THSD4: variants seen among roughly 807,000 people sequenced by gnomAD.
THSD4 encodes thrombospondin type-1 domain-containing protein 4.
In THSD4, 69 loss-of-function variants were observed where a neutral mutation model predicts 119.0. The observed-to-expected ratio is 0.58, with a 90% CI of 0.48 to 0.71. The LOEUF is 0.71. Ranked by LOEUF, THSD4 falls within the 30% of genes least tolerant of loss-of-function variation. The pLI, the probability that THSD4 is intolerant of heterozygous loss-of-function variation, is 0.00. For missense variants in THSD4, 1,393 were observed against 1,391.1 expected (o/e 1.00, Z -0.02); for synonymous variants, 524 against 540.4 (o/e 0.97, Z 0.42).
intron 6 of THSD4, among the ~76,000 whole-genome samples, chr15:71,338,071 C>G (rs745651909): frequency 6.6e-6 from 1 of 152,184 alleles, no homozygotes; most frequent in Non-Finnish European, 1.5e-5. Context: ...ACTGTTCCCC[C>G]ATCAATGCCC....
chr15:71,306,800 C>T (rs1041896927), intron 6 of THSD4, among the ~76,000 whole-genome samples: 2 of 152,180 alleles, frequency 1.3e-5, no homozygotes, highest in Non-Finnish European at 2.9e-5. Context: ...AATTGCTTAA[C>T]CTTGTGTTTG....
At chr15:71,668,687 AC>A (rs35989729) in intron 8 of THSD4, among the ~76,000 whole-genome samples, 1 of 152,118 alleles carries the variant, frequency 6.6e-6, no homozygotes, top group Non-Finnish European at 1.5e-5. Context: ...GCTGACTGGT[AC>A]CCCACTCTCT....
chr15:71,557,527 G>A (rs1009135820), intron 7 of THSD4, among the ~76,000 whole-genome samples: 5 of 151,960 alleles, frequency 3.3e-5, no homozygotes, highest in Non-Finnish European at 7.4e-5. Flanking sequence ...TCTAATGTCT[G>A]GAGGATTTTC....
intron 6 of THSD4, among the ~76,000 whole-genome samples, chr15:71,350,073 A>G (rs1441494459): frequency 6.6e-6 from 1 of 150,996 alleles, no homozygotes; most frequent in Non-Finnish European, 1.5e-5. Context: ...GCACATTTAT[A>G]GTGTATCCTT....
At chr15:71,162,927 T>A (rs2043260340) in intron 3 of THSD4, among the ~76,000 whole-genome samples, 1 of 151,990 alleles carries the variant, frequency 6.6e-6, no homozygotes, top group Non-Finnish European at 1.5e-5. Context: ...AGCTCTTAAT[T>A]GTATGTTTTA....
chr15:71,202,894 G>A (rs1179699714), intron 3 of THSD4, among the ~76,000 whole-genome samples: 2 of 152,178 alleles, frequency 1.3e-5, no homozygotes, highest in Non-Finnish European at 2.9e-5. Context: ...CATCAGCCAG[G>A]TGACAGACTC....
chr15:71,421,311 AGTCT>A (rs1198653684), intron 7 of THSD4, among the ~76,000 whole-genome samples: 3,568 of 65,696 alleles, frequency 0.054, 147 homozygotes, highest in East Asian at 0.077. Flanking sequence ...TTTTCTTTCT[AGTCT>A]CTTTCTACTC....
intron 6 of THSD4, among the ~76,000 whole-genome samples, chr15:71,395,220 A>G (rs916376626): frequency 6.6e-5 from 10 of 152,306 alleles, no homozygotes; most frequent in African/African-American, 2.4e-4. Context: ...ACATGTTGAA[A>G]GTCACTTGTT....
intron 7 of THSD4, among the ~76,000 whole-genome samples, chr15:71,507,535 G>C (rs1028552032): frequency 2.0e-5 from 3 of 152,140 alleles, no homozygotes; most frequent in Non-Finnish European, 2.9e-5. Context: ...TTCTCAGCTG[G>C]AGACACTGCT....
At chr15:71,563,685 T>C (rs974521564) in intron 7 of THSD4, among the ~76,000 whole-genome samples, 1 of 152,228 alleles carries the variant, frequency 6.6e-6, no homozygotes, top group Non-Finnish European at 1.5e-5. Flanking sequence ...ACTTAGCCTC[T>C]GATTTTCATG....
rs72759667 is a variant in THSD4, at chr15:71,281,239, G to A, written c.1015+24524G>A. On this transcript the variant is annotated intron_variant, in intron 6 of 17. Transcript: ENST00000261862. Reference sequence around the variant, plus strand: ...TGGAAAAGGGTCATTTATCCTTATTGTTCTGCGCATTCATGCATTTGTAAC... The same window carrying A: ...TGGAAAAGGGTCATTTATCCTTATTATTCTGCGCATTCATGCATTTGTAAC... 5.6e-3 allele frequency among the ~76,000 whole-genome samples: 851 copies of A among 152,332 alleles called. 1 individual carries two copies. The highest frequency in any genetic ancestry group is 0.01 in the Middle Eastern group (3 of 294).
rs374913893 is a variant in THSD4 at position 71,353,026 on chromosome 15, A to T, written c.1016-58661A>T. 4.6e-5 allele frequency among the ~76,000 whole-genome samples: 7 copies of T among 152,330 alleles called. No individual in the cohort carries two copies. The East Asian group carries it at 7.7e-4, about 17-fold the overall frequency. ...GGAGAGGAGGCTATAAAGGCTTTCC[A>T]AGGACCTTGCAGGCGATAACTCACA... On this transcript the variant is annotated intron_variant, in intron 6 of 17. Coordinates refer to ENST00000261862, the MANE Select transcript of THSD4 (RefSeq NM_024817.3).
At chr15:71,619,840 C>T (rs533979165) in intron 7 of THSD4, among the ~76,000 whole-genome samples, 1 of 152,320 alleles carries the variant, frequency 6.6e-6, no homozygotes, top group South Asian at 2.1e-4. Context: ...ACTAATTCAA[C>T]TGATACCTGA....
At chr15:71,109,774 A>G (rs2040290400) in intron 1 of THSD4, among the ~76,000 whole-genome samples, 1 of 151,190 alleles carries the variant, frequency 6.6e-6, no homozygotes, top group African/African-American at 2.4e-5. Context: ...ACACTCTGGC[A>G]GCACTGTCTG....
rs1566984926 is a variant in THSD4, at chr15:71,442,650, GTGTGTGTGTGTATATATA to G, written c.1152+30829_1152+30846del. Among the ~76,000 whole-genome samples, 43 of 24,758 alleles carry G rather than the reference GTGTGTGTGTGTATATATA, an allele frequency of 1.7e-3. 4 individuals carry two copies. Among genetic ancestry groups the G allele is most frequent in the African/African-American group, 3.8e-3 (39 of 10,204 alleles). The allele number at this position is 24,758 out of a possible 152,430, so 16.2% of individuals were successfully genotyped here. On this transcript the variant is annotated intron_variant, in intron 7 of 17. Coordinates refer to ENST00000261862, the MANE Select transcript of THSD4 (RefSeq NM_024817.3). ...TATATGTATGTGTGTGTATATGTGT[GTGTGTGTGTGTATATATA>G]TATATATATATATATATATATATAT... is the stretch of plus-strand genomic sequence containing the variant.
intron 7 of THSD4, among the ~76,000 whole-genome samples, chr15:71,515,950 A>G (rs1394175333): frequency 2.0e-5 from 3 of 152,170 alleles, no homozygotes; most frequent in African/African-American, 4.8e-5. Context: ...AAGAGGACAC[A>G]TGCTCTATGT....
Position 71,720,115 on chromosome 15 carries a change from A to G in THSD4, c.1358-8434A>G, listed in dbSNP as rs545712018. 1.2e-3 allele frequency among the ~76,000 whole-genome samples: 184 copies of G among 148,052 alleles called. No individual in the cohort carries two copies. The Middle Eastern group carries it at 0.032, about 26-fold the overall frequency. On this transcript the variant is annotated intron_variant, in intron 8 of 17. Coordinates refer to ENST00000261862, the MANE Select transcript of THSD4 (RefSeq NM_024817.3). ...TCTCAGGCTGGAGCGCAGTGGTACA[A>G]TTACGGCTCACTGCAGCTTTAACCT...
chr15:71,279,112 C>G (rs1163868424), intron 6 of THSD4, among the ~76,000 whole-genome samples: 1 of 152,152 alleles, frequency 6.6e-6, no homozygotes, highest in East Asian at 1.9e-4. Flanking sequence ...CTGCTGTGAT[C>G]ACGTGGCCTG....
chr15:71,649,684 T>G (rs2051044244), intron 7 of THSD4, among the ~76,000 whole-genome samples: 1 of 152,238 alleles, frequency 6.6e-6, no homozygotes, highest in African/African-American at 2.4e-5. Flanking sequence ...TGCCAGTTCC[T>G]ATGTCCAGAA....
Sources: allele counts gnomAD v4.1 joint callset (sites outside exome capture counted in the v4.1 genomes callset), GRCh38; gene constraint gnomAD v4.1.1; transcripts MANE v1.5; gene names NCBI Gene and HGNC (gene_info 2026-07-23, HGNC 2026-07-21).